Variants in SLC24A2 observed in about 807,000 individuals in gnomAD.
SLC24A2 encodes solute carrier family 24 member 2, also known as sodium/potassium/calcium exchanger 2.
Under a neutral mutation model 62.0 loss-of-function variants are expected in SLC24A2, and 36 were observed. The observed-to-expected ratio is 0.58, with a 90% confidence interval of 0.44 to 0.77. The LOEUF is 0.77. SLC24A2 is among the 30% of genes least tolerant of loss of function. SLC24A2 has a pLI of 0.00. For missense variants in SLC24A2, 846 were observed against 817.9 expected, an observed-to-expected ratio of 1.03 and a Z score of -0.42; for synonymous variants, 358 against 294.0, an observed-to-expected ratio of 1.22 and a Z score of -2.23.
At chr9:19,807,784 G>A in the SLC24A2 span, among the ~76,000 whole-genome samples, 2 of 152,124 alleles carry the variant, frequency 1.3e-5, no homozygotes, top group African/African-American at 4.8e-5. Flanking sequence ...TTGTGTAAGG[G>A]CTAGTTTACA....
At chr9:20,148,098 G>A in the SLC24A2 span, among the ~76,000 whole-genome samples, 2 of 151,944 alleles carry the variant, frequency 1.3e-5, no homozygotes, top group East Asian at 3.9e-4. Flanking sequence ...GGGTGACCTG[G>A]ATTTCAAAAG....
intron 7 of SLC24A2, among the ~76,000 whole-genome samples, chr9:19,568,471 C>G (rs1835742650): frequency 6.6e-6 from 1 of 152,228 alleles, no homozygotes; most frequent in East Asian, 1.9e-4. Flanking sequence ...AAATGTTACT[C>G]AGTACTGCTA....
the SLC24A2 span, among the ~76,000 whole-genome samples, chr9:20,048,481 T>C: frequency 6.6e-6 from 1 of 150,728 alleles, no homozygotes; most frequent in Non-Finnish European, 1.5e-5. Context: ...CCCAAGCCAA[T>C]GATGTGTCAA....
intron 2 of SLC24A2, among the ~76,000 whole-genome samples, chr9:19,622,847 T>C (rs1209772499): frequency 1.3e-5 from 2 of 152,156 alleles, no homozygotes; most frequent in African/African-American, 4.8e-5. Context: ...TCAGCATTCA[T>C]TGCTCCATGT....
At chr9:19,716,933 G>T (rs1820877767) in intron 2 of SLC24A2, among the ~76,000 whole-genome samples, 1 of 152,152 alleles carries the variant, frequency 6.6e-6, no homozygotes, top group South Asian at 2.1e-4. Context: ...CTCAAAGGCT[G>T]GGTAAAATAT....
rs1171086209 is a variant in SLC24A2 at position 19,636,392 on chromosome 9, T to TCC, written c.931-14094_931-14093insGG. ...CTTTCTTTCTTTCTTTCTTTCTCCC[T>TCC]CTCTCTCTCTCTCTCTTTCTTTCTT... On this transcript the variant is annotated intron_variant, in intron 2 of 10. Coordinates refer to ENST00000341998, the MANE Select transcript of SLC24A2 (RefSeq NM_020344.4). Among the ~76,000 whole-genome samples, 518 of 102,802 alleles carry TCC rather than the reference T, an allele frequency of 5.0e-3. 52 individuals are homozygous for TCC. The highest frequency in any genetic ancestry group is 0.021 in the African/African-American group (486 of 22,974). The allele number at this position is 102,802 out of a possible 152,430, so 67.4% of individuals were successfully genotyped here. A position where few individuals can be genotyped will look rare whatever the true frequency, so the allele number is the denominator to read the frequency against.
At chr9:20,008,171 C>T in the SLC24A2 span, among the ~76,000 whole-genome samples, 3 of 152,000 alleles carry the variant, frequency 2.0e-5, no homozygotes, top group Non-Finnish European at 4.4e-5. Context: ...GCTGAGATTA[C>T]AGGCTTAAGC....
chr9:19,547,184 A>C (rs1282044224), intron 8 of SLC24A2, among the ~76,000 whole-genome samples: 2 of 152,188 alleles, frequency 1.3e-5, no homozygotes, highest in Non-Finnish European at 1.5e-5. Context: ...AAAAAACCAA[A>C]GTGTTCTTCC....
At chr9:19,721,664 G>C (rs1259627252) in intron 2 of SLC24A2, among the ~76,000 whole-genome samples, 1 of 152,112 alleles carries the variant, frequency 6.6e-6, no homozygotes, top group Non-Finnish European at 1.5e-5. Flanking sequence ...CATCATTTCA[G>C]ATGCTTTATG....
chr9:19,676,609 A>G (rs1208808278), intron 2 of SLC24A2, among the ~76,000 whole-genome samples: 2 of 152,084 alleles, frequency 1.3e-5, no homozygotes, highest in African/African-American at 2.4e-5. Context: ...AGAGTTTTTC[A>G]TTAAAAATTA....
chr9:20,109,486 G>A, the SLC24A2 span, among the ~76,000 whole-genome samples: 1 of 152,172 alleles, frequency 6.6e-6, no homozygotes, highest in Non-Finnish European at 1.5e-5. Flanking sequence ...TCAAGCTTTA[G>A]TATATGCTAA....
the SLC24A2 span, among the ~76,000 whole-genome samples, chr9:20,096,308 C>T: frequency 1.3e-5 from 2 of 152,088 alleles, no homozygotes; most frequent in Admixed American, 6.5e-5. Context: ...CAATGAGCCA[C>T]CTTAATCTAT....
chr9:19,576,776 G>A (rs1020082150), intron 6 of SLC24A2, 148 bp downstream of exon 6: 1 of 717,450 alleles, frequency 1.4e-6, no homozygotes, highest in Middle Eastern at 3.6e-4. Flanking sequence ...TAGGGCAAGA[G>A]GGACTCATTT....
chr9:20,195,236 A>T, the SLC24A2 span, among the ~76,000 whole-genome samples: 1 of 152,164 alleles, frequency 6.6e-6, no homozygotes, highest in Non-Finnish European at 1.5e-5. Flanking sequence ...TTCAATGTAT[A>T]TGACTGTATA....
chr9:19,731,516 C>CTCTCCGTGTGTGTGTGTGTGTGT (rs72153360), intron 2 of SLC24A2, among the ~76,000 whole-genome samples: 1 of 113,710 alleles, frequency 8.8e-6, no homozygotes, highest in African/African-American at 2.6e-5. Context: ...TCTCTCTCTC[C>CTCTCCGTGTGTGTGTGTGTGTGT]GTGTGTGTGT....
At chr9:19,642,623 C>T (rs1484497745) in intron 2 of SLC24A2, among the ~76,000 whole-genome samples, 3 of 141,612 alleles carry the variant, frequency 2.1e-5, no homozygotes, top group Admixed American at 2.1e-4. Flanking sequence ...TCATTGTTTG[C>T]TTTGTTGTTT....
chr9:19,918,651 G>T, the SLC24A2 span, among the ~76,000 whole-genome samples: 9 of 152,138 alleles, frequency 5.9e-5, no homozygotes, highest in Non-Finnish European at 4.4e-5. Flanking sequence ...CAGACTCCAG[G>T]AGTGTATGCC....
At chr9:19,754,699 A>G (rs1024470656) in intron 2 of SLC24A2, among the ~76,000 whole-genome samples, 11 of 150,618 alleles carry the variant, frequency 7.3e-5, no homozygotes, top group Non-Finnish European at 1.3e-4. Context: ...GATCCTAAGC[A>G]CTGAATGGCA....
At chr9:20,087,451 G>A in the SLC24A2 span, among the ~76,000 whole-genome samples, 1 of 152,136 alleles carries the variant, frequency 6.6e-6, no homozygotes, top group Non-Finnish European at 1.5e-5. Flanking sequence ...TGAAATCTCA[G>A]CCTCAAAATT....
Sources: allele counts gnomAD v4.1 joint callset (sites outside exome capture counted in the v4.1 genomes callset), GRCh38; gene constraint gnomAD v4.1.1; transcripts MANE v1.5; gene names NCBI Gene and HGNC (gene_info 2026-07-23, HGNC 2026-07-21).